The following SLC26A7 variants were observed in gnomAD, a reference collection of about 807,000 sequenced individuals.
The protein encoded by SLC26A7 is solute carrier family 26 member 7, also known as anion exchange transporter.
Under a neutral mutation model 82.5 loss-of-function variants are expected in SLC26A7, and 59 were observed. The ratio of observed to expected loss-of-function variants is 0.72; its 90% CI spans 0.58 to 0.89. The LOEUF is 0.89. Ranked by LOEUF, SLC26A7 falls within the 40% of genes least tolerant of loss-of-function variation. The pLI, the probability that SLC26A7 is intolerant of heterozygous loss-of-function variation, is 0.00. For synonymous variants in SLC26A7, 271 were observed against 274.3 expected (o/e 0.99, Z 0.12); for missense variants, 820 against 793.0 (o/e 1.03, Z -0.41).
chr8:91,344,434 G>A (rs564191623), intron 9 of SLC26A7, among the ~76,000 whole-genome samples: 68 of 152,122 alleles, frequency 4.5e-4, no homozygotes, highest in Non-Finnish European at 9.3e-4. Flanking sequence ...GGAATCAAAT[G>A]AGAACTTTTA....
At chr8:91,288,087 AG>A (rs1262203790) in intron 2 of SLC26A7, among the ~76,000 whole-genome samples, 1 of 152,216 alleles carries the variant, frequency 6.6e-6, no homozygotes, top group Non-Finnish European at 1.5e-5. Context: ...AATATCTGAA[AG>A]ATAACTACGG....
Position 91,395,295 on chromosome 8 carries a change from C to A in SLC26A7, c.*198C>A, listed in dbSNP as rs1220868617. The A allele has an allele frequency of 1.5e-6, 2 of 1,317,112 alleles. No homozygotes were observed. Among genetic ancestry groups the A allele is most frequent in the Non-Finnish European group, 2.0e-6 (2 of 1,022,032 alleles). 81.6% of individuals were successfully genotyped at this position (1,317,112 alleles called of 1,614,324 possible). Reference sequence around the variant, plus strand: ...TCTCATTTTTGTTAGTAAGAAGATTCGCTTAGTTATTTTATGTAAAAATCA... The same window carrying A: ...TCTCATTTTTGTTAGTAAGAAGATTAGCTTAGTTATTTTATGTAAAAATCA... On this transcript the variant is annotated 3_prime_UTR_variant, in exon 19 of 19. Coordinates refer to ENST00000276609, the MANE Select transcript of SLC26A7 (RefSeq NM_052832.4).
intron 4 of SLC26A7, among the ~76,000 whole-genome samples, chr8:91,304,342 G>A (rs1812245331): frequency 6.6e-6 from 1 of 152,154 alleles, no homozygotes. Context: ...CTGTTCCTGT[G>A]ATAGTGAGTT....
chr8:91,289,217 T>C lies in SLC26A7; in HGVS notation c.275T>C (p.Ile92Thr), dbSNP rs529585864. 3.1e-4 allele frequency: 495 copies of C among 1,613,768 alleles called. 6 individuals are homozygous for C. The South Asian group carries it at 5.1e-3, about 16-fold the overall frequency. The change falls in exon 3 of 19, where the codon ATA becomes ACA. Residue 92 changes from isoleucine (I) to threonine (T), a missense_variant. Transcript: ENST00000276609. ...GSLFPAIIYA[I>T]FGMGHHVATG... ...CTGTTTCCTGCCATAATTTATGCCA[T>C]ATTTGGAATGGGACATCATGTTGCC...
intron 15 of SLC26A7, among the ~76,000 whole-genome samples, chr8:91,380,114 A>G (rs564022332): frequency 6.6e-6 from 1 of 152,228 alleles, no homozygotes; most frequent in South Asian, 2.1e-4. Context: ...TATGTATGAT[A>G]TTGGTCAAAA....
chr8:91,232,909 C>T (rs1810328549), intron 2 of SLC26A7, among the ~76,000 whole-genome samples: 1 of 152,148 alleles, frequency 6.6e-6, no homozygotes, highest in Admixed American at 6.5e-5. Context: ...CCAAGAAAGG[C>T]TATGCATTTG....
chr8:91,394,840 C>A, intron 18 of SLC26A7: 3 of 803,568 alleles, frequency 3.7e-6, no homozygotes, highest in Non-Finnish European at 5.4e-6. Flanking sequence ...GGAAACTGAC[C>A]AGGGAAATTA....
chr8:91,312,631 G>T (rs1812519627), intron 4 of SLC26A7, among the ~76,000 whole-genome samples: 1 of 113,212 alleles, frequency 8.8e-6, no homozygotes, highest in African/African-American at 3.5e-5. Flanking sequence ...GTGTGTGTAT[G>T]TAGGTGTGTC....
intron 4 of SLC26A7, among the ~76,000 whole-genome samples, chr8:91,305,762 C>A (rs751060399): frequency 2.6e-5 from 4 of 152,160 alleles, no homozygotes; most frequent in African/African-American, 9.7e-5. Context: ...ATTTCCTGAA[C>A]ATATGATTAG....
intron 1 of SLC26A7, among the ~76,000 whole-genome samples, chr8:91,214,145 T>TA (rs1809993049): frequency 6.6e-6 from 1 of 151,756 alleles, no homozygotes; most frequent in Non-Finnish European, 1.5e-5. Context: ...GGGTGTAAGG[T>TA]GTGGTGGTGG....
intron 14 of SLC26A7, 22 bp from the exon 15 acceptor site, chr8:91,369,763 T>C: frequency 6.5e-7 from 1 of 1,541,304 alleles, no homozygotes; most frequent in Non-Finnish European, 8.8e-7. Flanking sequence ...ATTTTTCTTC[T>C]TTATGTTTGT....
rs867131497 is a variant in SLC26A7, at chr8:91,359,755, A to G, written c.1315-2598A>G. Among the ~76,000 whole-genome samples, 55 of 152,316 alleles carry G rather than the reference A, an allele frequency of 3.6e-4. 2 individuals are homozygous for G. Among genetic ancestry groups the G allele is most frequent in the Middle Eastern group, 3.4e-3 (1 of 294 alleles). On this transcript the variant is annotated intron_variant, in intron 11 of 18. Coordinates refer to ENST00000276609, the MANE Select transcript of SLC26A7 (RefSeq NM_052832.4). ...TATTGGACTATTGGGCACAGCATTC[A>G]AAGTATGAATATTGCACAGACTTTT...
At chr8:91,326,084 A>G (rs1216253294) in intron 5 of SLC26A7, among the ~76,000 whole-genome samples, 1 of 152,172 alleles carries the variant, frequency 6.6e-6, no homozygotes, top group Admixed American at 6.5e-5. Context: ...TCAGTTGGCC[A>G]TCTCTCTTAA....
chr8:91,328,186 T>C (rs999152430), intron 5 of SLC26A7, among the ~76,000 whole-genome samples: 1 of 152,142 alleles, frequency 6.6e-6, no homozygotes, highest in African/African-American at 2.4e-5. Flanking sequence ...GGATTTTTCT[T>C]CCTGCATAGG....
intron 4 of SLC26A7, among the ~76,000 whole-genome samples, chr8:91,315,636 A>T (rs932813993): frequency 2.0e-5 from 3 of 152,154 alleles, no homozygotes; most frequent in African/African-American, 7.2e-5. Flanking sequence ...TTGGCCCCCC[A>T]TATTCTTTTC....
chr8:91,298,812 A>C (rs1812084837), intron 4 of SLC26A7, among the ~76,000 whole-genome samples: 1 of 152,178 alleles, frequency 6.6e-6, no homozygotes, highest in Admixed American at 6.5e-5. Context: ...TCATTTTGTT[A>C]GGAACATCTC....
chr8:91,349,198 C>T (rs145013500), intron 9 of SLC26A7, among the ~76,000 whole-genome samples: 1 of 152,122 alleles, frequency 6.6e-6, no homozygotes, highest in African/African-American at 2.4e-5. Flanking sequence ...TGACCAAGGG[C>T]ATCAACAATG....
chr8:91,356,985 G>A (rs771066543), intron 11 of SLC26A7, among the ~76,000 whole-genome samples: 123 of 152,096 alleles, frequency 8.1e-4, no homozygotes, highest in Non-Finnish European at 1.6e-3. Context: ...AGGTTCACTG[G>A]AGATCTCATG....
At chr8:91,224,056 T>C (rs1810200503) in intron 2 of SLC26A7, among the ~76,000 whole-genome samples, 1 of 151,978 alleles carries the variant, frequency 6.6e-6, no homozygotes, top group Admixed American at 6.6e-5. Flanking sequence ...TGTAAACTGG[T>C]TATTCTAGCT....
Sources: allele counts gnomAD v4.1 joint callset (sites outside exome capture counted in the v4.1 genomes callset), GRCh38; gene constraint gnomAD v4.1.1; transcripts MANE v1.5; gene names NCBI Gene and HGNC (gene_info 2026-07-23, HGNC 2026-07-21).